Variants in BRSK2 observed in about 807,000 individuals in gnomAD.
BRSK2 encodes BR serine/threonine kinase 2.
Under a neutral mutation model 83.3 loss-of-function variants are expected in BRSK2, and 19 were observed. The observed-to-expected ratio is 0.23, with a 90% CI of 0.16 to 0.33. The LOEUF is 0.33. BRSK2 is among the 10% of genes least tolerant of loss of function. The probability of loss-of-function intolerance (pLI) is 1.00; values close to 1 mark genes in which losing one functional copy is unlikely to be tolerated. For synonymous variants in BRSK2, 519 were observed against 435.4 expected (o/e 1.19, Z -2.39); for missense variants, 798 against 1,042.3 (o/e 0.77, Z 3.23).
At chr11:1,449,468 C>T (rs1292668428) in intron 12 of BRSK2, among the ~76,000 whole-genome samples, 1 of 152,216 alleles carries the variant, frequency 6.6e-6, no homozygotes, top group Admixed American at 6.5e-5. Flanking sequence ...CCTCGTCCTT[C>T]CGTCCACCCC....
rs1340758164 is a variant in BRSK2, at chr11:1,438,335, C to T, written c.216C>T (p.Leu72=). Residue 72 remains leucine (L), a synonymous_variant, in exon 3 of 20, where the codon CTC becomes CTT. Transcript: ENST00000528841. The surrounding 1 kb of genome is among the most constrained non-coding windows in gnomAD (Gnocchi z 6.4). ...KVEREIAILK[L]IEHPHVLKLH... ...AGCGGGAGATCGCGATCCTGAAGCT[C>T]ATTGAGCACCCCCACGTCCTAAAGC... is the stretch of plus-strand genomic sequence containing the variant. 6.2e-7 allele frequency: 1 copy of T among 1,614,084 alleles called. No homozygotes were observed. Among genetic ancestry groups the T allele is most frequent in the East Asian group, 2.2e-5 (1 of 44,870 alleles).
Position 1,459,232 on chromosome 11 carries a change from C to CT in BRSK2, c.1980_1981insT (p.Lys661Ter). ...TGGAAATGATGACGGGGCGGCTTTCCAAATGTGGTAAGAATCCCCCACGCT... is the reference window on the plus strand; with the variant it reads ...TGGAAATGATGACGGGGCGGCTTTCCTAAATGTGGTAAGAATCCCCCACGCT... On this transcript the variant is annotated frameshift_variant, in exon 19 of 20. Coordinates refer to ENST00000528841, the MANE Select transcript of BRSK2 (RefSeq NM_001256627.2). LOFTEE classifies it high-confidence loss of function. 6.2e-7 allele frequency: 1 copy of CT among 1,613,776 alleles called. No homozygotes were observed.
intron 18 of BRSK2, among the ~76,000 whole-genome samples, chr11:1,458,323 G>A (rs1289110209): frequency 1.3e-5 from 2 of 152,050 alleles, no homozygotes; most frequent in African/African-American, 2.4e-5. Flanking sequence ...CTCCATTCCT[G>A]CCCCGGACCC....
chr11:1,395,112 G>A (rs72849455), intron 1 of BRSK2, among the ~76,000 whole-genome samples: 3,996 of 152,278 alleles, frequency 0.026, 103 homozygotes, highest in Admixed American at 0.077. Flanking sequence ...TGTCTGCTGC[G>A]AGACCCCAGG....
intron 15 of BRSK2, among the ~76,000 whole-genome samples, chr11:1,451,898 C>T (rs534741669): frequency 1.2e-4 from 19 of 152,252 alleles, no homozygotes; most frequent in African/African-American, 4.1e-4. Flanking sequence ...GACTCTACAG[C>T]GCCCAGGTGC....
At chr11:1,450,316 C>T (rs977147425) in intron 13 of BRSK2, among the ~76,000 whole-genome samples, 33 of 152,116 alleles carry the variant, frequency 2.2e-4, no homozygotes, top group East Asian at 1.6e-3. Flanking sequence ...CTTGTGGGAG[C>T]GCCTCGAGGC....
At chr11:1,408,362 C>T (rs1198652777) in intron 1 of BRSK2, among the ~76,000 whole-genome samples, 1 of 152,206 alleles carries the variant, frequency 6.6e-6, no homozygotes, top group Non-Finnish European at 1.5e-5. Flanking sequence ...GGTCCCAGGT[C>T]ACCATCCACC....
In BRSK2 at chr11:1,440,871, G is replaced by A. The variant is rs774130722; in HGVS notation, c.356G>A (p.Arg119Gln). 3.1e-6 allele frequency: 5 copies of A among 1,609,230 alleles called. No homozygotes were observed. Among genetic ancestry groups the A allele is most frequent in the Non-Finnish European group, 3.4e-6 (4 of 1,178,264 alleles). ...KKGRLTPKEA[R>Q]KFFRQIISAL... ...GGGAGGCTGACGCCTAAGGAGGCTC[G>A]GAAGTTCTTCCGGCAGATCATCTCT... is the stretch of plus-strand genomic sequence containing the variant. The change falls in exon 4 of 20, where the codon CGG becomes CAG. Residue 119 changes from arginine to glutamine, a missense_variant. By Grantham distance (43) the Arg-to-Gln change is conservative (BLOSUM62 1). Coordinates refer to ENST00000528841, the MANE Select transcript of BRSK2 (RefSeq NM_001256627.2).
intron 18 of BRSK2, among the ~76,000 whole-genome samples, chr11:1,458,956 C>G (rs1266812233): frequency 1.3e-5 from 2 of 152,146 alleles, no homozygotes; most frequent in Non-Finnish European, 2.9e-5. Flanking sequence ...CCAGGTGGCT[C>G]CGCCTTGTTC....
At chr11:1,421,865 C>T (rs1848659828) in intron 1 of BRSK2, among the ~76,000 whole-genome samples, 1 of 152,108 alleles carries the variant, frequency 6.6e-6, no homozygotes, top group Admixed American at 6.5e-5. Context: ...GTGGGAGAAC[C>T]CCCAGCCTGG....
chr11:1,437,932 G>A (rs1198039086), intron 2 of BRSK2, among the ~76,000 whole-genome samples: 2 of 152,146 alleles, frequency 1.3e-5, no homozygotes, highest in Non-Finnish European at 2.9e-5. Flanking sequence ...CTACAGGCTG[G>A]TGTCAGCCCG....
chr11:1,415,528 G>A (rs1848012210), intron 1 of BRSK2, among the ~76,000 whole-genome samples: 1 of 152,206 alleles, frequency 6.6e-6, no homozygotes, highest in Non-Finnish European at 1.5e-5. Context: ...AAGATTACAG[G>A]CTTGAGCCAC....
chr11:1,454,699 C>T lies in BRSK2; in HGVS notation c.1668+91C>T. On this transcript the variant is annotated intron_variant, in intron 16 of 19. Transcript: ENST00000528841. The surrounding 1 kb of genome is among the most constrained non-coding windows in gnomAD (Gnocchi z 5.2). ...ATCCAGCCTCCTCACGTAGACAGGA[C>T]ATGTCCACGCGCACAGCACGGACGT... 4 of 1,504,654 alleles carry T rather than the reference C, an allele frequency of 2.7e-6. No individual in the cohort carries two copies. The South Asian group carries it at 3.5e-5, about 13-fold the overall frequency. 93.2% of individuals were successfully genotyped at this position (1,504,654 alleles called of 1,614,324 possible).
chr11:1,459,100 C>A, intron 18 of BRSK2, 92 bp from the exon 19 acceptor site: 3 of 1,329,194 alleles, frequency 2.3e-6, no homozygotes, highest in Non-Finnish European at 3.2e-6. Flanking sequence ...CTGGCTCCAC[C>A]CCCTCCCCAT....
chr11:1,448,326 G>T (rs11028212), intron 12 of BRSK2, among the ~76,000 whole-genome samples: 1 of 152,134 alleles, frequency 6.6e-6, no homozygotes, highest in Admixed American at 6.5e-5. Flanking sequence ...GGCGGGTGGC[G>T]CCGCCCCCAA....
chr11:1,449,647 C>A, intron 12 of BRSK2, 129 bp from the exon 13 acceptor site: 1 of 735,536 alleles, frequency 1.4e-6, no homozygotes, highest in Non-Finnish European at 2.3e-6. Flanking sequence ...GCAGCAGGAC[C>A]CAGGGCCTCG....
chr11:1,460,460 C>CCTTTTTTTTTTTTTTTTTTTT (rs1847313300), intron 19 of BRSK2, 40 bp from the exon 20 acceptor site: 3 of 1,048,676 alleles, frequency 2.9e-6, no homozygotes, highest in Admixed American at 9.3e-5. Context: ...TTTCTTTTTT[C>CCTTTTTTTTTTTTTTTTTTTT]CTTTTTTTTT....
intron 2 of BRSK2, among the ~76,000 whole-genome samples, chr11:1,436,809 C>G (rs530746261): frequency 8.5e-5 from 13 of 152,126 alleles, no homozygotes; most frequent in Admixed American, 5.9e-4. Context: ...CCTCTCCATT[C>G]GCTCCTTGGC....
At chr11:1,458,008 C>T (rs545127375) in intron 18 of BRSK2, among the ~76,000 whole-genome samples, 2 of 152,304 alleles carry the variant, frequency 1.3e-5, no homozygotes, top group African/African-American at 4.8e-5. Flanking sequence ...GAGGCCATGC[C>T]GTCGGCCGGC....
Sources: gnomAD v4.1 joint callset for allele counts (sites outside exome capture counted in the v4.1 genomes callset) on GRCh38, gnomAD v4.1.1 for gene constraint, Gnocchi (gnomAD v3.1) non-coding constraint, MANE v1.5 for transcripts, NCBI Gene and HGNC (gene_info 2026-07-23, HGNC 2026-07-21) for gene names.